Variants in PANX1 observed in about 807,000 individuals in gnomAD.
PANX1 encodes pannexin 1.
In PANX1, 30 loss-of-function variants were observed where a neutral mutation model predicts 38.7. The observed-to-expected ratio is 0.78, with a 90% CI of 0.58 to 1.05. The LOEUF (loss-of-function observed/expected upper bound fraction) is 1.05. PANX1 is among the 50% of genes least tolerant of loss of function. The probability of loss-of-function intolerance (pLI) is 0.00; values close to 1 mark genes in which losing one functional copy is unlikely to be tolerated. For missense variants in PANX1, 551 were observed against 517.2 expected (o/e 1.07, Z -0.63); for synonymous variants, 230 against 212.2 (o/e 1.08, Z -0.73).
In PANX1 at chr11:94,180,949, A is replaced by G. The variant is rs1947300137; in HGVS notation, c.*80A>G. 1.2e-6 allele frequency: 1 copy of G among 814,118 alleles called. No individual in the cohort carries two copies. Among genetic ancestry groups the G allele is most frequent in the Non-Finnish European group, 2.2e-6 (1 of 460,018 alleles). 50.4% of individuals were successfully genotyped at this position (814,118 alleles called of 1,614,324 possible). ...TGGCTAAAGCACCCCTGTTGGTTTCACAGCTGGTTTGCAATAAATGGTTCT... is the reference window on the plus strand; with the variant it reads ...TGGCTAAAGCACCCCTGTTGGTTTCGCAGCTGGTTTGCAATAAATGGTTCT... On this transcript the variant is annotated 3_prime_UTR_variant, in exon 5 of 5. Transcript: ENST00000227638.
chr11:94,147,132 A>G (rs529997762), intron 1 of PANX1, among the ~76,000 whole-genome samples: 2 of 152,330 alleles, frequency 1.3e-5, no homozygotes, highest in South Asian at 4.1e-4. Flanking sequence ...ATCTTTTGGT[A>G]GGTCTGAAAA....
chr11:94,160,960 A>AT (rs1259287256), intron 2 of PANX1, among the ~76,000 whole-genome samples: 1 of 151,974 alleles, frequency 6.6e-6, no homozygotes, highest in African/African-American at 2.4e-5. Context: ...GCTGTAAAGG[A>AT]TTTTATTTCT....
At chr11:94,155,785 T>C (rs1015809038) in intron 2 of PANX1, among the ~76,000 whole-genome samples, 4 of 152,178 alleles carry the variant, frequency 2.6e-5, no homozygotes, top group African/African-American at 9.7e-5. Flanking sequence ...CCATTTTGCA[T>C]AGTGGTGCCC....
At chr11:94,159,307 G>A (rs990886248) in intron 2 of PANX1, among the ~76,000 whole-genome samples, 1 of 152,114 alleles carries the variant, frequency 6.6e-6, no homozygotes, top group African/African-American at 2.4e-5. Context: ...CTATTGATTG[G>A]AATAGTTTCA....
chr11:94,148,060 GAAAA>G (rs955611001), intron 1 of PANX1, among the ~76,000 whole-genome samples: 2 of 148,232 alleles, frequency 1.3e-5, no homozygotes, highest in African/African-American at 2.5e-5. Context: ...TGGTTTAAAG[GAAAA>G]AAAAAAGAAG....
At chr11:94,153,703 C>G in intron 2 of PANX1, 73 bp downstream of exon 2, 1 of 1,373,614 alleles carries the variant, frequency 7.3e-7, no homozygotes, top group South Asian at 1.3e-5. Context: ...GGAGGCTATG[C>G]CAAAGACCAC....
chr11:94,143,762 T>G (rs184749652), intron 1 of PANX1, among the ~76,000 whole-genome samples: 93 of 151,756 alleles, frequency 6.1e-4, no homozygotes, highest in Admixed American at 2.4e-3. Flanking sequence ...TTTTTTTTTC[T>G]TTTTGAGACA....
intron 2 of PANX1, among the ~76,000 whole-genome samples, chr11:94,173,071 C>A (rs1947186879): frequency 6.6e-6 from 1 of 151,782 alleles, no homozygotes; most frequent in Non-Finnish European, 1.5e-5. Context: ...TTGACTCCCG[C>A]TGTCTAGGAT....
intron 2 of PANX1, among the ~76,000 whole-genome samples, chr11:94,168,970 C>CTT (rs1460606709): frequency 2.0e-5 from 3 of 151,594 alleles, no homozygotes; most frequent in African/African-American, 7.3e-5. Flanking sequence ...CTTCATGACA[C>CTT]TTGAAGAAGC....
chr11:94,177,888 C>A (rs1201587220), intron 2 of PANX1, among the ~76,000 whole-genome samples: 1 of 151,950 alleles, frequency 6.6e-6, no homozygotes, highest in Non-Finnish European at 1.5e-5. Flanking sequence ...GAAGTCGAAG[C>A]TTTTCTAATT....
intron 1 of PANX1, among the ~76,000 whole-genome samples, chr11:94,135,182 C>T (rs1358051548): frequency 4.6e-5 from 7 of 152,132 alleles, no homozygotes; most frequent in African/African-American, 1.7e-4. Context: ...GGTGTCTGGT[C>T]AGCCGGGGAC....
At chr11:94,170,046 C>CT (rs1397557493) in intron 2 of PANX1, among the ~76,000 whole-genome samples, 1 of 151,662 alleles carries the variant, frequency 6.6e-6, no homozygotes, top group Non-Finnish European at 1.5e-5. Flanking sequence ...TTTTCTTTTT[C>CT]TTTTTTGATA....
chr11:94,172,238 T>C (rs1456419468), intron 2 of PANX1, among the ~76,000 whole-genome samples: 1 of 151,604 alleles, frequency 6.6e-6, no homozygotes, highest in Admixed American at 6.6e-5. Flanking sequence ...ATGTGGTTTT[T>C]ATCGGCTTCC....
rs1384086605 is a variant in PANX1, at chr11:94,129,256, G to C, written c.-57G>C. ...GGTGACTGGGTGAAGGCGCCGCGCA[G>C]CTTTCCCGACGCCGGCTGTACCCGG... is the stretch of plus-strand genomic sequence containing the variant. On this transcript the variant is annotated 5_prime_UTR_variant, in exon 1 of 5. Coordinates refer to ENST00000227638, the MANE Select transcript of PANX1 (RefSeq NM_015368.4). The C allele has an allele frequency of 1.3e-6, 2 of 1,503,108 alleles. No homozygotes were observed. Among genetic ancestry groups the C allele is most frequent in the African/African-American group, 2.8e-5 (2 of 71,958 alleles). 93.1% of individuals were successfully genotyped at this position (1,503,108 alleles called of 1,614,324 possible). A position where few individuals can be genotyped will look rare whatever the true frequency, so the allele number is the denominator to read the frequency against.
At chr11:94,161,238 GT>G (rs748320896) in intron 2 of PANX1, among the ~76,000 whole-genome samples, 2,240 of 152,088 alleles carry the variant, frequency 0.015, 42 homozygotes, top group East Asian at 0.066. Flanking sequence ...TCTTTGTGGC[GT>G]TCTCTGTATT....
chr11:94,161,370 C>T (rs555931927), intron 2 of PANX1, among the ~76,000 whole-genome samples: 6 of 152,340 alleles, frequency 3.9e-5, no homozygotes, highest in Middle Eastern at 3.4e-3. Flanking sequence ...ACCAATCAGA[C>T]GCAGATTTGG....
At chr11:94,164,096 TTTTA>T (rs1289323727) in intron 2 of PANX1, among the ~76,000 whole-genome samples, 2 of 148,410 alleles carry the variant, frequency 1.3e-5, no homozygotes, top group East Asian at 1.9e-4. Flanking sequence ...TTGTCTCTAA[TTTTA>T]TTTATTTGGT....
intron 1 of PANX1, among the ~76,000 whole-genome samples, chr11:94,130,953 G>A (rs1345212039): frequency 6.6e-6 from 1 of 152,190 alleles, no homozygotes; most frequent in Non-Finnish European, 1.5e-5. Context: ...TAGTTTTCCT[G>A]CTCTTTGCGC....
Position 94,178,511 on chromosome 11 carries a change from A to G in PANX1, c.464A>G (p.Lys155Arg), listed in dbSNP as rs764191495. 3 of 1,613,996 alleles carry G rather than the reference A, an allele frequency of 1.9e-6. No homozygotes were observed. The South Asian group carries it at 3.3e-5, about 18-fold the overall frequency. Reference sequence around the variant, plus strand: ...GACAAAGTTTACAACCGTGCAATTAAGGCTGCAAAGAGTGCGCGTGACCTT... The same window carrying G: ...GACAAAGTTTACAACCGTGCAATTAGGGCTGCAAAGAGTGCGCGTGACCTT... ...ELDKVYNRAI[K>R]AAKSARDLDM... is the part of the protein sequence containing the mutation. Residue 155 changes from lysine to arginine, a missense_variant, in exon 3 of 5, where the codon AAG becomes AGG. Coordinates refer to ENST00000227638, the MANE Select transcript of PANX1 (RefSeq NM_015368.4).
Sources: allele counts gnomAD v4.1 joint callset (sites outside exome capture counted in the v4.1 genomes callset), GRCh38; gene constraint gnomAD v4.1.1; transcripts MANE v1.5; gene names NCBI Gene and HGNC (gene_info 2026-07-23, HGNC 2026-07-21).